Variants in EPRS1 observed in about 807,000 individuals in gnomAD.
EPRS1 encodes the protein glutamyl-prolyl-tRNA synthetase 1.
EPRS1 carries 107 observed loss-of-function variants against 188.3 expected under a neutral mutation model. The ratio of observed to expected loss-of-function variants is 0.57; its 90% CI spans 0.49 to 0.67. The LOEUF is 0.67. Ranked by LOEUF, EPRS1 falls within the 30% of genes least tolerant of loss-of-function variation. The pLI, the probability that EPRS1 is intolerant of heterozygous loss-of-function variation, is 0.00. For missense variants in EPRS1, 1,577 were observed against 1,802.2 expected, an observed-to-expected ratio of 0.88 and a Z score of 2.26; for synonymous variants, 596 against 593.1, an observed-to-expected ratio of 1.00 and a Z score of -0.07.
At chr1:219,975,388 A>G (rs1170165274) in intron 28 of EPRS1, among the ~76,000 whole-genome samples, 1 of 152,226 alleles carries the variant, frequency 6.6e-6, no homozygotes, top group Non-Finnish European at 1.5e-5. Context: ...AAAGGGAATT[A>G]CAAGCACAAA....
chr1:220,044,284 G>A (rs1170685583), intron 1 of EPRS1, among the ~76,000 whole-genome samples: 1 of 152,048 alleles, frequency 6.6e-6, no homozygotes, highest in African/African-American at 2.4e-5. Flanking sequence ...ATTAAAAAGG[G>A]AGAGGAGCAA....
chr1:219,988,841 AAG>A lies in EPRS1; in HGVS notation c.2542-20_2542-19del, dbSNP rs746914287. ...ATTTTAGCCTAAAATAAAAGAGAGA[AAG>A]AGATATTTATAAAACTTTGGAAATT... On this transcript the variant is annotated intron_variant, in intron 18 of 31. Coordinates refer to ENST00000366923, the MANE Select transcript of EPRS1 (RefSeq NM_004446.3). The A allele has an allele frequency of 2.0e-6, 3 of 1,504,638 alleles. No individual in the cohort carries two copies. Among genetic ancestry groups the A allele is most frequent in the Non-Finnish European group, 2.7e-6 (3 of 1,106,308 alleles). The allele number at this position is 1,504,638 out of a possible 1,614,324, so 93.2% of individuals were successfully genotyped here.
At chr1:219,991,829 C>G (rs1260575295) in intron 18 of EPRS1, among the ~76,000 whole-genome samples, 2 of 152,140 alleles carry the variant, frequency 1.3e-5, no homozygotes, top group African/African-American at 4.8e-5. Context: ...TTCTCTGATA[C>G]AAATCAATTA....
At chr1:219,977,765 T>C in intron 28 of EPRS1, among the ~76,000 whole-genome samples, 1 of 152,130 alleles carries the variant, frequency 6.6e-6, no homozygotes, top group Admixed American at 6.5e-5. Flanking sequence ...ACAAATAAGA[T>C]GATAAATATT....
At chr1:219,993,859 T>C (rs1661170268) in intron 18 of EPRS1, among the ~76,000 whole-genome samples, 1 of 152,202 alleles carries the variant, frequency 6.6e-6, no homozygotes, top group African/African-American at 2.4e-5. Context: ...TTCTCCTCTG[T>C]TGCTATAACA....
At chr1:220,018,926 A>T in intron 11 of EPRS1, 69 bp downstream of exon 11, 1 of 962,074 alleles carries the variant, frequency 1.0e-6, no homozygotes, top group South Asian at 1.4e-5. Context: ...GATAATAAAG[A>T]GTAAAGGGAC....
intron 28 of EPRS1, among the ~76,000 whole-genome samples, chr1:219,977,539 T>G (rs1232182180): frequency 1.3e-5 from 2 of 152,142 alleles, no homozygotes; most frequent in African/African-American, 4.8e-5. Flanking sequence ...TAGCCCAGGT[T>G]AAGTAGAAAT....
chr1:219,981,586 ATGTT>A (rs1254653405), intron 23 of EPRS1, 129 bp from the exon 24 acceptor site: 9 of 506,430 alleles, frequency 1.8e-5, no homozygotes, highest in Admixed American at 1.4e-4. Context: ...AATAAAATGT[ATGTT>A]TGTGTAAATA....
Position 220,024,999 on chromosome 1 carries a change from G to A in EPRS1, c.750+133C>T, listed in dbSNP as rs1029973099. On this transcript the variant is annotated intron_variant, in intron 7 of 31. Coordinates refer to ENST00000366923, the MANE Select transcript of EPRS1 (RefSeq NM_004446.3). ...TCGACATTTCTTGGCTTAGGTCTCA[G>A]ATATGGAATATATAGATAGGGAAAA... 5.9e-6 allele frequency: 5 copies of A among 847,440 alleles called. No homozygotes were observed. In the African/African-American group the frequency reaches 6.7e-5, roughly 11 times the overall value. 52.5% of individuals were successfully genotyped at this position (847,440 alleles called of 1,614,324 possible).
chr1:220,033,700 T>C (rs919250659), intron 3 of EPRS1, 42 bp from the exon 4 acceptor site: 1 of 1,470,140 alleles, frequency 6.8e-7, no homozygotes, highest in Non-Finnish European at 9.4e-7. Context: ...TTCCAACATT[T>C]CAACTTATAA....
At position 219,997,196 on chromosome 1, in the gene EPRS1, A is replaced by G. The variant is rs776732656; in HGVS notation, c.2328T>C (p.Asp776=). ...ELKAKKAPKE[D]VDAAVKQLLS... is the part of the protein sequence containing the mutation. ...AAAGCTGTTTTACAGCTGCATCTAC[A>G]TCTTCCTTTGGTGCTTTCTTGGCTT... is the stretch of plus-strand genomic sequence containing the variant. Residue 776 remains aspartate (D), a synonymous_variant, in exon 18 of 32, where the codon GAT becomes GAC. Coordinates refer to ENST00000366923, the MANE Select transcript of EPRS1 (RefSeq NM_004446.3). 1 of 1,614,040 alleles carries G rather than the reference A, an allele frequency of 6.2e-7. No individual in the cohort carries two copies. The highest frequency in any genetic ancestry group is 2.2e-5 in the East Asian group (1 of 44,862).
intron 18 of EPRS1, among the ~76,000 whole-genome samples, chr1:219,992,835 G>A (rs1165731890): frequency 1.3e-5 from 2 of 152,188 alleles, no homozygotes; most frequent in Non-Finnish European, 2.9e-5. Flanking sequence ...GCTGAGGCAG[G>A]AGAATTGCTT....
chr1:220,032,827 G>A (rs890455130), intron 4 of EPRS1, among the ~76,000 whole-genome samples: 5 of 152,044 alleles, frequency 3.3e-5, no homozygotes, highest in African/African-American at 7.2e-5. Context: ...ACTTTTGGGG[G>A]TGGTGGATAT....
intron 18 of EPRS1, among the ~76,000 whole-genome samples, chr1:219,990,732 C>G (rs1408468617): frequency 6.6e-6 from 1 of 152,174 alleles, no homozygotes; most frequent in Non-Finnish European, 1.5e-5. Context: ...TTGAATTTAT[C>G]TCTTAGAATA....
At chr1:220,026,517 T>TG (rs1250850742) in intron 6 of EPRS1, among the ~76,000 whole-genome samples, 1 of 151,986 alleles carries the variant, frequency 6.6e-6, no homozygotes, top group Non-Finnish European at 1.5e-5. Flanking sequence ...TACAGTTTTT[T>TG]TTGTTGTTGT....
chr1:220,015,338 C>G (rs1211395922), intron 12 of EPRS1, among the ~76,000 whole-genome samples: 1 of 152,074 alleles, frequency 6.6e-6, no homozygotes, highest in African/African-American at 2.4e-5. Flanking sequence ...TGGCAGAAGC[C>G]TGTAATCCCA....
At chr1:220,020,252 C>T (rs1187479622) in intron 9 of EPRS1, 31 bp from the exon 10 acceptor site, 1 of 1,352,080 alleles carries the variant, frequency 7.4e-7, no homozygotes, top group East Asian at 2.3e-5. Context: ...ATAAACAAAA[C>T]ATTTTACCCT....
At chr1:220,027,273 A>G (rs1014096982) in intron 6 of EPRS1, among the ~76,000 whole-genome samples, 1 of 152,022 alleles carries the variant, frequency 6.6e-6, no homozygotes, top group Non-Finnish European at 1.5e-5. Context: ...AAAAAATACA[A>G]AAAAATTAGC....
chr1:220,014,166 A>G (rs955770554), intron 12 of EPRS1, among the ~76,000 whole-genome samples: 2 of 152,076 alleles, frequency 1.3e-5, no homozygotes, highest in Non-Finnish European at 2.9e-5. Context: ...TGTCTATACT[A>G]AAAATACAAA....
Sources: gnomAD v4.1 joint callset for allele counts (sites outside exome capture counted in the v4.1 genomes callset) on GRCh38, gnomAD v4.1.1 for gene constraint, MANE v1.5 for transcripts, NCBI Gene and HGNC (gene_info 2026-07-23, HGNC 2026-07-21) for gene names.